Variants in CACNG3 observed in about 807,000 individuals in gnomAD.
CACNG3 encodes the protein voltage-dependent calcium channel gamma-3 subunit.
In CACNG3, 3 loss-of-function variants were observed where a neutral mutation model predicts 28.5. The ratio of observed to expected loss-of-function variants is 0.11; its 90% confidence interval spans 0.05 to 0.27. The LOEUF (loss-of-function observed/expected upper bound fraction) is 0.27, where lower values mean the gene tolerates loss of function less well. Among genes scored for constraint, CACNG3 ranks in the 10% least tolerant of loss-of-function variants. The pLI is 1.00. For missense variants in CACNG3, 236 were observed against 414.4 expected, an observed-to-expected ratio of 0.57 and a Z score of 3.74; for synonymous variants, 174 against 162.2, an observed-to-expected ratio of 1.07 and a Z score of -0.55.
At chr16:24,277,386 G>A (rs924812953) in intron 1 of CACNG3, among the ~76,000 whole-genome samples, 7 of 152,134 alleles carry the variant, frequency 4.6e-5, no homozygotes, top group Non-Finnish European at 7.4e-5. Flanking sequence ...TATCAGGGAC[G>A]CCGCTAAACC....
At chr16:24,280,401 C>A (rs116864852) in intron 1 of CACNG3, among the ~76,000 whole-genome samples, 1 of 152,146 alleles carries the variant, frequency 6.6e-6, no homozygotes, top group Non-Finnish European at 1.5e-5. Flanking sequence ...TGGAAAAGGG[C>A]AATGTTGTTT....
intron 1 of CACNG3, among the ~76,000 whole-genome samples, chr16:24,281,784 C>T (rs937671950): frequency 3.3e-5 from 5 of 152,046 alleles, no homozygotes; most frequent in Admixed American, 6.5e-5. Context: ...ATGCTTTTTT[C>T]GTGTGCTTCT....
At chr16:24,282,835 A>C (rs948635546) in intron 1 of CACNG3, among the ~76,000 whole-genome samples, 4 of 151,262 alleles carry the variant, frequency 2.6e-5, no homozygotes, top group Admixed American at 2.6e-4. Flanking sequence ...GATTCTACAC[A>C]CTCTCTTTTG....
chr16:24,346,134 T>A (rs1899862886), intron 1 of CACNG3, among the ~76,000 whole-genome samples: 1 of 152,162 alleles, frequency 6.6e-6, no homozygotes, highest in South Asian at 2.1e-4. Context: ...TCTTCATAAT[T>A]AGTGTTTATG....
chr16:24,310,959 A>G (rs1011843010), intron 1 of CACNG3, among the ~76,000 whole-genome samples: 1 of 152,174 alleles, frequency 6.6e-6, no homozygotes. Flanking sequence ...TTGAGGTCCA[A>G]TGGAGGCAAA....
At chr16:24,257,006 T>C (rs763995059) in intron 1 of CACNG3, 41 bp downstream of exon 1, 1 of 1,229,866 alleles carries the variant, frequency 8.1e-7, no homozygotes, top group East Asian at 2.3e-5. Flanking sequence ...ATAATCCAGT[T>C]CTGATATTCT....
intron 1 of CACNG3, among the ~76,000 whole-genome samples, chr16:24,311,825 G>A (rs1899268558): frequency 6.6e-6 from 1 of 152,224 alleles, no homozygotes; most frequent in African/African-American, 2.4e-5. Flanking sequence ...ACTCCAGCCT[G>A]GGCGACAGAG....
At chr16:24,274,720 T>C (rs945470168) in intron 1 of CACNG3, among the ~76,000 whole-genome samples, 3 of 152,202 alleles carry the variant, frequency 2.0e-5, no homozygotes, top group Non-Finnish European at 4.4e-5. Flanking sequence ...ATCCCCGAGA[T>C]GAGCTACATC....
At chr16:24,297,454 A>C (rs1211097697) in intron 1 of CACNG3, among the ~76,000 whole-genome samples, 2 of 151,656 alleles carry the variant, frequency 1.3e-5, no homozygotes, top group Admixed American at 6.6e-5. Context: ...TATAACCAAA[A>C]CCCTCTCACC....
chr16:24,309,235 C>T (rs992383474), intron 1 of CACNG3, among the ~76,000 whole-genome samples: 2 of 152,192 alleles, frequency 1.3e-5, no homozygotes, highest in African/African-American at 4.8e-5. Flanking sequence ...ACATCTACTG[C>T]CTAATATGCA....
rs79135798 is a variant in CACNG3 at position 24,331,603 on chromosome 16, T to C, written c.212-15131T>C. Among the ~76,000 whole-genome samples the C allele has an allele frequency of 4.0e-3, 608 of 152,310 alleles. 6 individuals carry two copies. Among genetic ancestry groups the C allele is most frequent in the African/African-American group, 0.013 (554 of 41,552 alleles). On this transcript the variant is annotated intron_variant, in intron 1 of 3. Transcript: ENST00000005284. ...ACTGTAAATCAGATTGTGTTTCTCA[T>C]GTGCTGAAAACCCTCCAAAGCCTGG... is the stretch of plus-strand genomic sequence containing the variant.
intron 1 of CACNG3, among the ~76,000 whole-genome samples, chr16:24,277,863 G>GT (rs1567208852): frequency 6.6e-6 from 1 of 151,872 alleles, no homozygotes; most frequent in Non-Finnish European, 1.5e-5. Flanking sequence ...TGTATGTATG[G>GT]TATTTGTTTG....
intron 1 of CACNG3, among the ~76,000 whole-genome samples, chr16:24,326,364 T>C (rs565198509): frequency 4.1e-4 from 63 of 151,960 alleles, no homozygotes; most frequent in African/African-American, 1.5e-3. Context: ...AGAGACAGGG[T>C]TTCTCCATGT....
At chr16:24,275,216 G>T (rs1198602117) in intron 1 of CACNG3, among the ~76,000 whole-genome samples, 1 of 151,960 alleles carries the variant, frequency 6.6e-6, no homozygotes, top group East Asian at 1.9e-4. Flanking sequence ...GATATGATTT[G>T]CTTTTTTCAA....
In CACNG3 at chr16:24,307,939, C is replaced by T. The variant is rs74469583; in HGVS notation, c.212-38795C>T. Among the ~76,000 whole-genome samples, 1,205 of 152,184 alleles carry T rather than the reference C, an allele frequency of 7.9e-3. 17 individuals are homozygous for T. The highest frequency in any genetic ancestry group is 0.027 in the African/African-American group (1,108 of 41,500). ...GAGGTGGGCTGGGGTGGTCATTGTCCCTCCAGCAGCCCAGGGCTTGCAATA... is the reference window on the plus strand; with the variant it reads ...GAGGTGGGCTGGGGTGGTCATTGTCTCTCCAGCAGCCCAGGGCTTGCAATA... On this transcript the variant is annotated intron_variant, in intron 1 of 3. Transcript: ENST00000005284.
chr16:24,357,005 G>A (rs888474366), intron 3 of CACNG3, among the ~76,000 whole-genome samples: 1 of 152,074 alleles, frequency 6.6e-6, no homozygotes. Context: ...GGAAGGCTGA[G>A]GCGGGTGGAT....
intron 1 of CACNG3, among the ~76,000 whole-genome samples, chr16:24,334,720 C>G (rs1342952491): frequency 1.3e-5 from 2 of 152,258 alleles, no homozygotes; most frequent in Non-Finnish European, 2.9e-5. Context: ...AAATTCAGAG[C>G]TGTCTTTGAA....
At chr16:24,273,695 A>G (rs1054846335) in intron 1 of CACNG3, among the ~76,000 whole-genome samples, 1 of 152,178 alleles carries the variant, frequency 6.6e-6, no homozygotes, top group Non-Finnish European at 1.5e-5. Context: ...CAATGTCACA[A>G]TCTCTGAGTC....
intron 1 of CACNG3, among the ~76,000 whole-genome samples, chr16:24,261,146 C>T (rs78671333): frequency 0.016 from 2,423 of 152,182 alleles, 38 homozygotes; most frequent in Non-Finnish European, 0.028. Context: ...GTAACAAATC[C>T]AAATGTTTGT....
Sources: gnomAD v4.1 joint callset for allele counts (sites outside exome capture counted in the v4.1 genomes callset) on GRCh38, gnomAD v4.1.1 for gene constraint, MANE v1.5 for transcripts, NCBI Gene and HGNC (gene_info 2026-07-23, HGNC 2026-07-21) for gene names.